Variants in FBN1 observed in about 807,000 individuals in gnomAD.
FBN1 encodes fibrillin 1, also known as fibrillin-1.
A neutral mutation model predicts 365.1 loss-of-function variants in FBN1; 29 were observed. The observed-to-expected ratio is 0.08, with a 90% confidence interval of 0.06 to 0.11. The LOEUF (loss-of-function observed/expected upper bound fraction) is 0.11, where lower values mean the gene tolerates loss of function less well. FBN1 is among the 10% of genes least tolerant of loss of function. The pLI is 1.00. For missense variants in FBN1, 2,476 were observed against 3,703.2 expected, an observed-to-expected ratio of 0.67 and a Z score of 8.60; for synonymous variants, 1,210 against 1,270.5, an observed-to-expected ratio of 0.95 and a Z score of 1.01.
In FBN1 at chr15:48,488,648, T is replaced by C. The variant is rs28730796; in HGVS notation, c.3083-155A>G. The stretch of plus-strand genomic sequence containing the variant: ...AGAATGTGTGATGATCCATGAGATA[T>C]ATGACTTTGTAAACATTTCTAGCCT... On this transcript the variant is annotated intron_variant, in intron 25 of 65. Coordinates refer to ENST00000316623, the MANE Select transcript of FBN1 (RefSeq NM_000138.5). 1.5e-3 allele frequency among the ~76,000 whole-genome samples: 234 copies of C among 152,346 alleles called. 2 individuals carry two copies. The highest frequency in any genetic ancestry group is 6.4e-3 in the South Asian group (31 of 4,826).
At chr15:48,617,279 AT>A (rs1242249796) in intron 2 of FBN1, among the ~76,000 whole-genome samples, 2 of 151,696 alleles carry the variant, frequency 1.3e-5, no homozygotes, top group Admixed American at 1.3e-4. Context: ...GGTTCGATAG[AT>A]TTTTCTGCCT....
At chr15:48,636,870 G>GT (rs921640102) in intron 2 of FBN1, among the ~76,000 whole-genome samples, 8 of 152,282 alleles carry the variant, frequency 5.3e-5, no homozygotes, top group African/African-American at 1.9e-4. Context: ...TAAAATTGTT[G>GT]TTTTAAGCCA....
intron 6 of FBN1, among the ~76,000 whole-genome samples, chr15:48,548,998 CACT>C (rs1307841763): frequency 6.6e-6 from 1 of 152,232 alleles, no homozygotes; most frequent in African/African-American, 2.4e-5. Context: ...CCTGGGATTT[CACT>C]ACTAATATTT....
intron 6 of FBN1, among the ~76,000 whole-genome samples, chr15:48,541,797 G>T (rs368503079): frequency 1.3e-5 from 2 of 148,836 alleles, no homozygotes; most frequent in African/African-American, 5.0e-5. Context: ...CTTGTGTAAC[G>T]TCTGACTCAT....
At chr15:48,472,242 T>C (rs1158137150) in intron 35 of FBN1, among the ~76,000 whole-genome samples, 6 of 152,284 alleles carry the variant, frequency 3.9e-5, no homozygotes, top group African/African-American at 1.4e-4. Flanking sequence ...TCCCCCTCCG[T>C]AGGGATAAAT....
intron 12 of FBN1, 61 bp downstream of exon 12, chr15:48,515,326 G>A: frequency 6.3e-7 from 1 of 1,594,996 alleles, no homozygotes; most frequent in Non-Finnish European, 8.6e-7. Flanking sequence ...TAGAAAACCA[G>A]TAGAGTCAAG....
In FBN1 at chr15:48,513,494, C is replaced by T. The variant is rs1163517743; in HGVS notation, c.1588+55G>A. 11 of 1,612,870 alleles carry T rather than the reference C, an allele frequency of 6.8e-6. No individual in the cohort carries two copies. The Admixed American group carries it at 1.5e-4, about 22-fold the overall frequency. ...AAACTCCATGGAACTCCTTTGAAGC[C>T]AACCCCCAGTTAGCATATATGTCCC... On this transcript the variant is annotated intron_variant, in intron 13 of 65. Transcript: ENST00000316623.
chr15:48,481,201 G>A (rs1243078033), intron 32 of FBN1, among the ~76,000 whole-genome samples: 1 of 152,136 alleles, frequency 6.6e-6, no homozygotes, highest in East Asian at 1.9e-4. Flanking sequence ...TTAAGGCACT[G>A]GAAGACTAGT....
chr15:48,564,203 A>G (rs1301630021), intron 6 of FBN1, among the ~76,000 whole-genome samples: 2 of 152,172 alleles, frequency 1.3e-5, no homozygotes, highest in Non-Finnish European at 2.9e-5. Flanking sequence ...GATTAGCTGA[A>G]CTTTGCTCAC....
At chr15:48,481,580 CAT>C (rs1398164143) in intron 32 of FBN1, 73 bp downstream of exon 32, 2 of 1,441,062 alleles carry the variant, frequency 1.4e-6, no homozygotes, top group East Asian at 2.3e-5. Context: ...AGTTTTAAAA[CAT>C]GTATCAATCT....
intron 4 of FBN1, among the ~76,000 whole-genome samples, chr15:48,604,167 G>C (rs1414691317): frequency 6.7e-6 from 1 of 148,392 alleles, no homozygotes; most frequent in Non-Finnish European, 1.5e-5. Context: ...GCTGGCACCT[G>C]GATCTCAATA....
intron 6 of FBN1, among the ~76,000 whole-genome samples, chr15:48,547,376 G>A (rs907941663): frequency 8.5e-5 from 13 of 152,116 alleles, no homozygotes; most frequent in Non-Finnish European, 1.5e-4. Flanking sequence ...TGCCCCTTTC[G>A]TAAATGACAG....
rs1057523654 is a variant in FBN1 at position 48,489,909 on chromosome 15, A to G, written c.3024T>C (p.Cys1008=). The G allele has an allele frequency of 6.2e-7, 1 of 1,614,200 alleles. No individual in the cohort carries two copies. The highest frequency in any genetic ancestry group is 8.5e-7 in the Non-Finnish European group (1 of 1,180,038). ...TTGTGGCAAATCCGGGTCCTCTCGG[A>G]CACAGCTCCTCGTACTCAGGAGTAT... ...MRNTPEYEEL[C]PRGPGFATKE... is the part of the protein sequence containing the mutation. The change falls in exon 25 of 66, where the codon TGT becomes TGC. Residue 1008 remains cysteine (C), a synonymous_variant. Coordinates refer to ENST00000316623, the MANE Select transcript of FBN1 (RefSeq NM_000138.5).
chr15:48,415,989 G>C (rs981839543), intron 63 of FBN1, among the ~76,000 whole-genome samples: 2 of 152,176 alleles, frequency 1.3e-5, no homozygotes, highest in Non-Finnish European at 2.9e-5. Context: ...ATGAAACATG[G>C]AAGATGAAGT....
chr15:48,469,816 C>T (rs975346821), intron 36 of FBN1, among the ~76,000 whole-genome samples: 2 of 151,910 alleles, frequency 1.3e-5, no homozygotes, highest in African/African-American at 2.4e-5. Context: ...AGCCTGGTCT[C>T]GTAATAGCTT....
intron 41 of FBN1, 139 bp downstream of exon 41, chr15:48,463,760 A>G: frequency 3.1e-6 from 3 of 959,294 alleles, no homozygotes; most frequent in Non-Finnish European, 3.2e-6. Context: ...ATAGGGGAAG[A>G]GTCTCCTAAC....
intron 6 of FBN1, among the ~76,000 whole-genome samples, chr15:48,544,845 C>T (rs1418229518): frequency 6.6e-6 from 1 of 152,098 alleles, no homozygotes; most frequent in Admixed American, 6.5e-5. Flanking sequence ...GTTATCTCTA[C>T]TTTTACTAGA....
Position 48,489,848 on chromosome 15 carries a change from T to C in FBN1, c.3082+3A>G. ...ATTGGCCATGGAAAACGTAACATTG[T>C]ACCTTTGAAGAAAGGCTTTCCATTT... On this transcript the variant is annotated splice_donor_region_variant and intron_variant, in intron 25 of 65. Coordinates refer to ENST00000316623, the MANE Select transcript of FBN1 (RefSeq NM_000138.5). 1 of 1,613,334 alleles carries C rather than the reference T, an allele frequency of 6.2e-7. No homozygotes were observed.
chr15:48,431,436 G>A (rs1476144492), intron 55 of FBN1, among the ~76,000 whole-genome samples: 1 of 151,752 alleles, frequency 6.6e-6, no homozygotes, highest in African/African-American at 2.4e-5. Context: ...GTTGAAGCAT[G>A]ATTTCTAATT....
Sources: allele counts gnomAD v4.1 joint callset (sites outside exome capture counted in the v4.1 genomes callset), GRCh38; gene constraint gnomAD v4.1.1; transcripts MANE v1.5; gene names NCBI Gene and HGNC (gene_info 2026-07-23, HGNC 2026-07-21).